Variants in CDK13 observed in about 807,000 individuals in gnomAD.
CDK13 encodes the protein cyclin-dependent kinase 13.
Under a neutral mutation model 137.6 loss-of-function variants are expected in CDK13, and 40 were observed. That is an observed-to-expected ratio of 0.29 (90% CI 0.23 to 0.38). CDK13 has a LOEUF of 0.38. Ranked by LOEUF, CDK13 falls within the 10% of genes least tolerant of loss-of-function variation. The pLI is 1.00. For missense variants in CDK13, 1,704 were observed against 1,951.8 expected, an observed-to-expected ratio of 0.87 and a Z score of 2.39; for synonymous variants, 869 against 760.1, an observed-to-expected ratio of 1.14 and a Z score of -2.36.
intron 7 of CDK13, among the ~76,000 whole-genome samples, chr7:40,052,095 C>T (rs1304542034): frequency 6.6e-6 from 1 of 151,936 alleles, no homozygotes; most frequent in Non-Finnish European, 1.5e-5. Flanking sequence ...TTTATGTGAC[C>T]GTCCTGTATG....
intron 1 of CDK13, among the ~76,000 whole-genome samples, chr7:39,963,936 A>G (rs1042625640): frequency 6.6e-6 from 1 of 152,176 alleles, no homozygotes; most frequent in African/African-American, 2.4e-5. Flanking sequence ...TGATTTGCAT[A>G]TGTTGAACCA....
At chr7:40,088,638 C>T (rs1786844727) in intron 12 of CDK13, among the ~76,000 whole-genome samples, 1 of 152,128 alleles carries the variant, frequency 6.6e-6, no homozygotes, top group African/African-American at 2.4e-5. Flanking sequence ...CTCAGTGAGG[C>T]TCAGCATTCA....
intron 1 of CDK13, among the ~76,000 whole-genome samples, chr7:39,977,694 G>A (rs1165196655): frequency 6.6e-6 from 1 of 152,202 alleles, no homozygotes; most frequent in Admixed American, 6.5e-5. Flanking sequence ...AAGCAGGGCC[G>A]AAGGCTTTGG....
intron 9 of CDK13, chr7:40,071,624 T>C (rs749209305): frequency 1.1e-4 from 16 of 152,234 alleles, no homozygotes; most frequent in Admixed American, 2.0e-4. Flanking sequence ...TGTGATATTA[T>C]GCATTGGTCA....
chr7:40,046,899 G>A (rs1456154902), intron 6 of CDK13, among the ~76,000 whole-genome samples: 2 of 150,940 alleles, frequency 1.3e-5, no homozygotes, highest in Admixed American at 1.3e-4. Context: ...CTGCTAGAAA[G>A]CCTGAGGAAC....
intron 5 of CDK13, among the ~76,000 whole-genome samples, chr7:40,004,855 C>T (rs1461098183): frequency 6.6e-6 from 1 of 152,110 alleles, no homozygotes; most frequent in East Asian, 1.9e-4. Context: ...ACTAACTAAG[C>T]TATTAGTTGT....
At chr7:40,025,287 C>T (rs17435812) in intron 5 of CDK13, among the ~76,000 whole-genome samples, 40,644 of 152,014 alleles carry the variant, frequency 0.27, 6,564 homozygotes, top group Middle Eastern at 0.44. Flanking sequence ...AATAAATTTC[C>T]AGCCTCCTGA....
At chr7:40,071,126 G>A (rs1786413003) in intron 9 of CDK13, 1 of 152,088 alleles carries the variant, frequency 6.6e-6, no homozygotes, top group African/African-American at 2.4e-5. Context: ...TGAAAGAAAT[G>A]AATCATGTAT....
chr7:40,026,274 C>T (rs992201841), intron 5 of CDK13, among the ~76,000 whole-genome samples: 4 of 152,088 alleles, frequency 2.6e-5, no homozygotes, highest in Admixed American at 2.6e-4. Context: ...TTTGGGAGGC[C>T]AAGGCAGGAG....
intron 5 of CDK13, among the ~76,000 whole-genome samples, chr7:40,045,123 G>A (rs1478852258): frequency 6.6e-6 from 1 of 151,796 alleles, no homozygotes; most frequent in Admixed American, 6.6e-5. Context: ...TTTTGTCTTC[G>A]TGTTAGTTTT....
intron 5 of CDK13, among the ~76,000 whole-genome samples, chr7:40,007,718 G>T (rs1216285594): frequency 6.6e-6 from 1 of 152,060 alleles, no homozygotes; most frequent in Non-Finnish European, 1.5e-5. Flanking sequence ...ATGAACCACC[G>T]CGCCCAGCCA....
intron 7 of CDK13, chr7:40,048,418 A>G (rs1031249755): frequency 1.3e-5 from 2 of 152,088 alleles, no homozygotes; most frequent in Admixed American, 6.5e-5. Context: ...GTGAAATATG[A>G]TTTGTCTTAT....
At chr7:40,008,624 A>G (rs887539147) in intron 5 of CDK13, among the ~76,000 whole-genome samples, 1 of 152,240 alleles carries the variant, frequency 6.6e-6, no homozygotes, top group Non-Finnish European at 1.5e-5. Flanking sequence ...AACCTACCCA[A>G]TAAGTCAGGG....
intron 11 of CDK13, among the ~76,000 whole-genome samples, chr7:40,085,496 G>A (rs1786769410): frequency 6.6e-6 from 1 of 152,098 alleles, no homozygotes; most frequent in Admixed American, 6.5e-5. Flanking sequence ...CATTCCCTGA[G>A]CTTCAGGATA....
At position 39,951,053 on chromosome 7, in the gene CDK13, G is replaced by T; in HGVS notation, c.412G>T (p.Gly138Trp). The T allele has an allele frequency of 7.8e-7, 1 of 1,283,588 alleles. No homozygotes were observed. Among genetic ancestry groups the T allele is most frequent in the Non-Finnish European group, 9.8e-7 (1 of 1,017,326 alleles). 79.5% of individuals were successfully genotyped at this position (1,283,588 alleles called of 1,614,324 possible). Reference protein sequence around the residue: ...QDGGGGASSGGGVTPLVEYED... With the variant: ...QDGGGGASSGWGVTPLVEYED... ...CGGCGGTGGCGGTGCTAGTAGCGGC[G>T]GGGGTGTGACCCCGCTGGTGGAATA... is the stretch of plus-strand genomic sequence containing the variant. The change falls in exon 1 of 14, where the codon GGG becomes TGG. Residue 138 changes from glycine to tryptophan, a missense_variant. Gly to Trp is a radical substitution (Grantham distance 184). Transcript: ENST00000181839.
At chr7:40,011,798 A>G (rs1229691062) in intron 5 of CDK13, among the ~76,000 whole-genome samples, 1 of 152,232 alleles carries the variant, frequency 6.6e-6, no homozygotes, top group Non-Finnish European at 1.5e-5. Context: ...AACTTCATCA[A>G]AATTACTTTT....
At chr7:39,961,213 G>A (rs1274354086) in intron 1 of CDK13, among the ~76,000 whole-genome samples, 2 of 152,020 alleles carry the variant, frequency 1.3e-5, no homozygotes, top group African/African-American at 4.8e-5. Flanking sequence ...ACAAAACATA[G>A]CCAAGCATGG....
chr7:40,034,647 T>C (rs1174011711), intron 5 of CDK13, among the ~76,000 whole-genome samples: 3 of 152,212 alleles, frequency 2.0e-5, no homozygotes, highest in Non-Finnish European at 1.5e-5. Context: ...ATACTAGTGC[T>C]GTTATTTCTT....
intron 11 of CDK13, among the ~76,000 whole-genome samples, chr7:40,079,146 C>T (rs1013122614): frequency 5.3e-5 from 8 of 151,212 alleles, no homozygotes; most frequent in South Asian, 4.2e-4. Flanking sequence ...TGCTGCCGGG[C>T]GCGGTGGCTC....
Sources: gnomAD v4.1 joint callset for allele counts (sites outside exome capture counted in the v4.1 genomes callset) on GRCh38, gnomAD v4.1.1 for gene constraint, MANE v1.5 for transcripts, NCBI Gene and HGNC (gene_info 2026-07-23, HGNC 2026-07-21) for gene names.